The following ZNF442 variants were observed in gnomAD, a reference collection of about 807,000 sequenced individuals.
ZNF442 encodes the protein zinc finger protein 442.
ZNF442 carries 45 observed loss-of-function variants against 57.0 expected under a neutral mutation model. The ratio of observed to expected loss-of-function variants is 0.79; its 90% CI spans 0.62 to 1.01. The LOEUF (loss-of-function observed/expected upper bound fraction) is 1.01. Among genes scored for constraint, ZNF442 ranks in the 50% least tolerant of loss-of-function variants. The pLI is 0.00. For synonymous variants in ZNF442, 213 were observed against 241.8 expected, an observed-to-expected ratio of 0.88 and a Z score of 1.10; for missense variants, 690 against 756.5, an observed-to-expected ratio of 0.91 and a Z score of 1.03.
upstream of ZNF442, among the ~76,000 whole-genome samples, chr19:12,368,145 A>G (rs148251539): frequency 0.048 from 7,282 of 152,202 alleles, 587 homozygotes; most frequent in African/African-American, 0.17. Context: ...CTGTTATTCT[A>G]TTCTTTTTCA....
rs1366470188 is a variant in ZNF442 at position 12,348,855 on chromosome 19, A to T, written c.*846T>A. The T allele has an allele frequency of 2.6e-5, 4 of 151,948 alleles. No individual in the cohort carries two copies. The highest frequency in any genetic ancestry group is 2.6e-4 in the Admixed American group (4 of 15,236). 9.4% of individuals were successfully genotyped at this position (151,948 alleles called of 1,614,324 possible). On this transcript the variant is annotated 3_prime_UTR_variant, in exon 6 of 6. Coordinates refer to ENST00000242804, the MANE Select transcript of ZNF442 (RefSeq NM_030824.3). ...TTCATAAGTGTTAACACACGATTCC[A>T]GGTCATTAAATAAAAGCAATCTATG... is the stretch of plus-strand genomic sequence containing the variant.
chr19:12,352,756 T>C (rs986864237), intron 4 of ZNF442, among the ~76,000 whole-genome samples: 6 of 152,222 alleles, frequency 3.9e-5, no homozygotes, highest in Non-Finnish European at 8.8e-5. Flanking sequence ...ACATATGTGT[T>C]AATTGATTGT....
intron 3 of ZNF442, among the ~76,000 whole-genome samples, chr19:12,363,158 C>CAAAA (rs886442784): frequency 3.3e-5 from 2 of 60,668 alleles, no homozygotes; most frequent in Admixed American, 1.8e-4. Flanking sequence ...AGCTCCGTCT[C>CAAAA]AAAAAAAAAA....
At chr19:12,362,931 C>A (rs1397519441) in intron 3 of ZNF442, among the ~76,000 whole-genome samples, 1 of 150,694 alleles carries the variant, frequency 6.6e-6, no homozygotes, top group Non-Finnish European at 1.5e-5. Flanking sequence ...CACTTGAGGT[C>A]AGGAGTTCAA....
intron 3 of ZNF442, among the ~76,000 whole-genome samples, chr19:12,357,635 G>A (rs1460312079): frequency 2.0e-5 from 3 of 150,254 alleles, no homozygotes; most frequent in Non-Finnish European, 3.0e-5. Flanking sequence ...TTACAGGTGT[G>A]AGCCACCATG....
chr19:12,352,593 A>G (rs932655273), intron 4 of ZNF442, among the ~76,000 whole-genome samples: 3 of 152,238 alleles, frequency 2.0e-5, no homozygotes, highest in Admixed American at 6.5e-5. Context: ...AGCCTACTCA[A>G]TGAGAAGACA....
intron 3 of ZNF442, among the ~76,000 whole-genome samples, chr19:12,361,714 G>GCTCTCCCTCTCC: frequency 1.4e-5 from 1 of 69,908 alleles, no homozygotes; most frequent in African/African-American, 6.9e-5. Context: ...CTGTCCCCAC[G>GCTCTCCCTCTCC]GTCTCCCTCT....
intron 3 of ZNF442, among the ~76,000 whole-genome samples, chr19:12,360,740 G>T (rs1313478942): frequency 6.6e-6 from 1 of 151,908 alleles, no homozygotes; most frequent in Non-Finnish European, 1.5e-5. Context: ...CCACGCCCGT[G>T]GTGGTGGTGG....
At chr19:12,365,743 T>C (rs568908145), upstream of ZNF442, 12 of 184,404 alleles carry the variant, frequency 6.5e-5, no homozygotes, top group African/African-American at 2.9e-4. Context: ...CCAACACTGA[T>C]TGGGTAGAGC....
intron 2 of ZNF442, 91 bp from the exon 3 acceptor site, chr19:12,363,762 C>A: frequency 1.3e-6 from 1 of 785,284 alleles, no homozygotes. Flanking sequence ...CCACCCAGGG[C>A]ATCCAGCTGT....
chr19:12,363,749 A>G (rs1352425931), intron 2 of ZNF442, 78 bp from the exon 3 acceptor site: 1 of 897,454 alleles, frequency 1.1e-6, no homozygotes, highest in East Asian at 2.5e-5. Context: ...TATTCCTCCC[A>G]TCCCACCCAG....
intron 3 of ZNF442, among the ~76,000 whole-genome samples, chr19:12,353,825 G>T (rs1306372529): frequency 6.6e-6 from 1 of 152,138 alleles, no homozygotes; most frequent in Non-Finnish European, 1.5e-5. Flanking sequence ...TCCATTCTTG[G>T]ATTAATGGCT....
At chr19:12,358,737 T>G (rs1223048023) in intron 3 of ZNF442, among the ~76,000 whole-genome samples, 1 of 152,186 alleles carries the variant, frequency 6.6e-6, no homozygotes, top group African/African-American at 2.4e-5. Context: ...TCACACAACT[T>G]CTGACAACAA....
chr19:12,350,274 T>G lies in ZNF442; in HGVS notation c.1311A>C (p.Glu437Asp), dbSNP rs746170047. Residue 437 changes from glutamate to aspartate, a missense_variant, in exon 6 of 6, where the codon GAA (glutamate) becomes GAC (aspartate). Glu to Asp is a conservative substitution (Grantham distance 45, BLOSUM62 2). Coordinates refer to ENST00000242804, the MANE Select transcript of ZNF442 (RefSeq NM_030824.3). ...HTGEKPYECKECGKAFRISSS... is the reference protein window; with the variant it reads ...HTGEKPYECKDCGKAFRISSS... ...TAGAAATACGGAAGGCTTTACCACA[T>G]TCTTTACATTCATAGGGTTTCTCAC... is the stretch of plus-strand genomic sequence containing the variant. 33 of 1,613,714 alleles carry G rather than the reference T, an allele frequency of 2.0e-5. No individual in the cohort carries two copies. Among genetic ancestry groups the G allele is most frequent in the Non-Finnish European group, 2.8e-5 (33 of 1,179,956 alleles).
Position 12,363,566 on chromosome 19 carries a change from CTCT to C in ZNF442, c.63_65del (p.Glu22del). 6.2e-7 allele frequency: 1 copy of C among 1,614,164 alleles called. No individual in the cohort carries two copies. Among genetic ancestry groups the C allele is most frequent in the Non-Finnish European group, 8.5e-7 (1 of 1,180,006 alleles). On this transcript the variant is annotated inframe_deletion, in exon 3 of 6. Coordinates refer to ENST00000242804, the MANE Select transcript of ZNF442 (RefSeq NM_030824.3). ...CTCCAGTGCTTACATATTGTTTTCT[CTCT>C]TCATTAGTCTGAGAGTCAGGAAGGA...
At chr19:12,361,494 T>C (rs1969424649) in intron 3 of ZNF442, among the ~76,000 whole-genome samples, 1 of 152,178 alleles carries the variant, frequency 6.6e-6, no homozygotes, top group African/African-American at 2.4e-5. Flanking sequence ...TTTCTGTTAA[T>C]ATGTGTTCAC....
At position 12,351,251 on chromosome 19, in the gene ZNF442, CAGG is replaced by C. The variant is rs763590374; in HGVS notation, c.331_333del (p.Pro111del). ...ACACTGCTTTTACATGGATCTACTCCAGGAGGTTTTTCATTCACAGTACTATCT... is the reference window on the plus strand; with the variant it reads ...ACACTGCTTTTACATGGATCTACTCCAGGTTTTTCATTCACAGTACTATCT... On this transcript the variant is annotated inframe_deletion, in exon 6 of 6. Coordinates refer to ENST00000242804, the MANE Select transcript of ZNF442 (RefSeq NM_030824.3). 9.0e-5 allele frequency: 146 copies of C among 1,614,036 alleles called. No homozygotes were observed. Among genetic ancestry groups the C allele is most frequent in the Non-Finnish European group, 1.3e-5 (15 of 1,180,038 alleles).
rs775980669 is a variant in ZNF442 at position 12,350,773 on chromosome 19, G to A, written c.812C>T (p.Ser271Phe). The A allele has an allele frequency of 6.2e-7, 1 of 1,613,286 alleles. No homozygotes were observed. The highest frequency in any genetic ancestry group is 1.3e-5 in the African/African-American group (1 of 74,718). Reference sequence around the variant, plus strand: ...GGAACTGTAATCAGGGAAGGCTTTGGAACAGTGCTTGCATTCATATGGTTT... The same window carrying A: ...GGAACTGTAATCAGGGAAGGCTTTGAAACAGTGCTTGCATTCATATGGTTT... ...GEKPYECKHC[S>F]KAFPDYSSYV... The change falls in exon 6 of 6, where the codon TCC becomes TTC. Residue 271 changes from serine to phenylalanine, a missense_variant. By Grantham distance (155) the Ser-to-Phe change is radical. Transcript: ENST00000242804.
chr19:12,364,129 G>A (rs1191757256), intron 2 of ZNF442, among the ~76,000 whole-genome samples: 13 of 152,078 alleles, frequency 8.5e-5, no homozygotes, highest in Admixed American at 3.9e-4. Context: ...GAAGCCGGCC[G>A]GGCGCGGTGG....
Sources: gnomAD v4.1 joint callset for allele counts (sites outside exome capture counted in the v4.1 genomes callset) on GRCh38, gnomAD v4.1.1 for gene constraint, MANE v1.5 for transcripts, NCBI Gene and HGNC (gene_info 2026-07-23, HGNC 2026-07-21) for gene names.